Variants in CLK3 observed in about 807,000 individuals in gnomAD.
The protein encoded by CLK3 is CDC like kinase 3.
CLK3 carries 24 observed loss-of-function variants against 65.2 expected under a neutral mutation model. The ratio of observed to expected loss-of-function variants is 0.37; its 90% confidence interval spans 0.27 to 0.52. The LOEUF is 0.52. CLK3 is among the 20% of genes least tolerant of loss of function. CLK3 has a pLI of 0.92. For missense variants in CLK3, 506 were observed against 660.0 expected (o/e 0.77, Z 2.56); for synonymous variants, 252 against 240.8 (o/e 1.05, Z -0.43).
rs896155561 is a variant in CLK3, at chr15:74,620,364, G to A, written c.369+139G>A. 7.5e-6 allele frequency: 9 copies of A among 1,204,936 alleles called. No homozygotes were observed. In the African/African-American group the frequency reaches 7.5e-5, roughly 10 times the overall value. The allele number at this position is 1,204,936 out of a possible 1,614,324, so 74.6% of individuals were successfully genotyped here. On this transcript the variant is annotated intron_variant, in intron 3 of 12. Coordinates refer to ENST00000395066, the MANE Select transcript of CLK3 (RefSeq NM_001130028.2). ...TGTGCGTGCATGTGTGTGTGTATGT[G>A]TTGTCTGGTCCAGGTGTAGGGCTGA...
At chr15:74,616,291 A>C (rs1315333059) in intron 1 of CLK3, among the ~76,000 whole-genome samples, 1 of 152,086 alleles carries the variant, frequency 6.6e-6, no homozygotes, top group African/African-American at 2.4e-5. Flanking sequence ...CTGGAGTTTG[A>C]TTCTGGCCCA....
chr15:74,626,087 A>G (rs780030273), intron 7 of CLK3, 119 bp downstream of exon 7: 2 of 1,146,060 alleles, frequency 1.7e-6, no homozygotes, highest in Non-Finnish European at 2.5e-6. Context: ...GGCCTGAGGG[A>G]CACCAGATCC....
rs764247860 is a variant in CLK3 at position 74,622,022 on chromosome 15, C to T, written c.370-98C>T. The T allele has an allele frequency of 2.7e-6, 3 of 1,126,394 alleles. No homozygotes were observed. Among genetic ancestry groups the T allele is most frequent in the African/African-American group, 1.5e-5 (1 of 65,808 alleles). The allele number at this position is 1,126,394 out of a possible 1,614,324, so 69.8% of individuals were successfully genotyped here. A position where few individuals can be genotyped will look rare whatever the true frequency, so the allele number is the denominator to read the frequency against. ...ACCAACCAACCCACCGGCTCCTCAC[C>T]GTCTCCACCTCTGCCTTTGACTGAC... On this transcript the variant is annotated intron_variant, in intron 3 of 12. Coordinates refer to ENST00000395066, the MANE Select transcript of CLK3 (RefSeq NM_001130028.2). This position sits in a 1 kb window ranked among gnomAD's most constrained non-coding sequence, Gnocchi z 4.6.
chr15:74,627,777 T>A lies in CLK3; in HGVS notation c.1042+109T>A. On this transcript the variant is annotated intron_variant, in intron 9 of 12. Transcript: ENST00000395066. This position sits in a 1 kb window ranked among gnomAD's most constrained non-coding sequence, Gnocchi z 4.3. ...TCTCTGCCACCCAGGGCAGGCAGAGTTTCTCAGACCAAGGGGCCAGTGTCA... is the reference window on the plus strand; with the variant it reads ...TCTCTGCCACCCAGGGCAGGCAGAGATTCTCAGACCAAGGGGCCAGTGTCA... The A allele has an allele frequency of 1.3e-6, 2 of 1,501,228 alleles. No individual in the cohort carries two copies. The highest frequency in any genetic ancestry group is 9.2e-7 in the Non-Finnish European group (1 of 1,089,466). The allele number at this position is 1,501,228 out of a possible 1,614,324, so 93.0% of individuals were successfully genotyped here.
chr15:74,623,910 C>T (rs908130820), intron 5 of CLK3: 14 of 152,228 alleles, frequency 9.2e-5, no homozygotes, highest in African/African-American at 3.4e-4. Flanking sequence ...GTGCTGAGGA[C>T]TGGAATGCCA....
chr15:74,627,904 C>G lies in CLK3; in HGVS notation c.1043-66C>G. ...GTCCTGCCAGCCGGTGTGGTGGCTG[C>G]CTTGTGACTTCCAGGCTGGAAGCAT... On this transcript the variant is annotated intron_variant, in intron 9 of 12. Transcript: ENST00000395066. The surrounding 1 kb of genome is among the most constrained non-coding windows in gnomAD (Gnocchi z 4.3). 3 of 1,339,246 alleles carry G rather than the reference C, an allele frequency of 2.2e-6. No individual in the cohort carries two copies. Among genetic ancestry groups the G allele is most frequent in the Non-Finnish European group, 3.2e-6 (3 of 931,330 alleles). The allele number at this position is 1,339,246 out of a possible 1,614,324, so 83.0% of individuals were successfully genotyped here.
At position 74,628,664 on chromosome 15, in the gene CLK3, C is replaced by T. The variant is rs773070479; in HGVS notation, c.1186C>T (p.His396Tyr). ...MEKILGPIPS[H>Y]MIHRTRKQKY... ...GAAGATCCTAGGGCCCATCCCATCACACATGATCCACCGTACCAGGTAAGG... is the reference window on the plus strand; with the variant it reads ...GAAGATCCTAGGGCCCATCCCATCATACATGATCCACCGTACCAGGTAAGG... The change falls in exon 11 of 13, where the codon CAC (histidine) becomes TAC (tyrosine). Residue 396 changes from histidine (H) to tyrosine (Y), a missense_variant. By Grantham distance (83) the His-to-Tyr change is moderately conservative. Coordinates refer to ENST00000395066, the MANE Select transcript of CLK3 (RefSeq NM_001130028.2). The T allele has an allele frequency of 6.2e-7, 1 of 1,613,236 alleles. No individual in the cohort carries two copies. Among genetic ancestry groups the T allele is most frequent in the South Asian group, 1.1e-5 (1 of 91,022 alleles).
intron 10 of CLK3, among the ~76,000 whole-genome samples, 164 bp downstream of exon 10, chr15:74,628,216 G>C (rs1251017828): frequency 6.6e-6 from 1 of 152,212 alleles, no homozygotes; most frequent in African/African-American, 2.4e-5. Context: ...ATGCTAAAGG[G>C]AAGGCAGAGG....
rs1428592267 is a variant in CLK3, at chr15:74,624,730, G to T, written c.534-172G>T. ...CAGATCTCAGGGAGCTTGCTGTTGGGTGGGCAAAGGTCTGGTGTTGCATGG... is the reference window on the plus strand; with the variant it reads ...CAGATCTCAGGGAGCTTGCTGTTGGTTGGGCAAAGGTCTGGTGTTGCATGG... On this transcript the variant is annotated intron_variant, in intron 5 of 12. Coordinates refer to ENST00000395066, the MANE Select transcript of CLK3 (RefSeq NM_001130028.2). The surrounding 1 kb of genome is among the most constrained non-coding windows in gnomAD (Gnocchi z 4.2). The T allele has an allele frequency of 8.2e-6, 5 of 610,766 alleles. No homozygotes were observed. Among genetic ancestry groups the T allele is most frequent in the African/African-American group, 1.9e-5 (1 of 53,974 alleles). The allele number at this position is 610,766 out of a possible 1,614,324, so 37.8% of individuals were successfully genotyped here.
intron 7 of CLK3, 37 bp downstream of exon 7, chr15:74,626,005 C>T: frequency 1.2e-6 from 2 of 1,607,554 alleles, no homozygotes; most frequent in Non-Finnish European, 1.7e-6. Context: ...TGGGCAGCCA[C>T]ATGCCTGCAG....
intron 1 of CLK3, among the ~76,000 whole-genome samples, chr15:74,617,261 A>C (rs1953308728): frequency 6.6e-6 from 1 of 152,212 alleles, no homozygotes; most frequent in South Asian, 2.1e-4. Context: ...GATTTAGTTT[A>C]GTTTTCTGCC....
In CLK3 at chr15:74,624,601, G is replaced by T. The variant is rs762605549; in HGVS notation, c.534-301G>T. 2.3e-6 allele frequency: 1 copy of T among 442,436 alleles called. No individual in the cohort carries two copies. Among genetic ancestry groups the T allele is most frequent in the Admixed American group, 3.5e-5 (1 of 28,970 alleles). The allele number at this position is 442,436 out of a possible 1,614,324, so 27.4% of individuals were successfully genotyped here. A position where few individuals can be genotyped will look rare whatever the true frequency, so the allele number is the denominator to read the frequency against. On this transcript the variant is annotated intron_variant, in intron 5 of 12. Coordinates refer to ENST00000395066, the MANE Select transcript of CLK3 (RefSeq NM_001130028.2). This position sits in a 1 kb window ranked among gnomAD's most constrained non-coding sequence, Gnocchi z 4.2. ...TGTGTGAGCTCTTGGACTGGCACTG[G>T]TTAAGCAGGATTGGCCTCTACTCTC...
chr15:74,619,867 C>G (rs2062087370), intron 2 of CLK3, 142 bp from the exon 3 acceptor site: 1 of 1,392,884 alleles, frequency 7.2e-7, no homozygotes, highest in Admixed American at 2.3e-5. Context: ...GCACCCTCCC[C>G]TCTCTGCCCA....
chr15:74,626,813 T>C (rs1489505822), intron 7 of CLK3, among the ~76,000 whole-genome samples: 1 of 152,118 alleles, frequency 6.6e-6, no homozygotes, highest in Non-Finnish European at 1.5e-5. Context: ...CAGAAGGGGC[T>C]GGAGGGGAAA....
At chr15:74,625,072 C>T (rs79618637) in intron 6 of CLK3, 54 bp downstream of exon 6, 7 of 1,353,550 alleles carry the variant, frequency 5.2e-6, no homozygotes, top group Non-Finnish European at 7.4e-6. Context: ...GCTGGACCCC[C>T]AGGGGCTTAG....
chr15:74,625,787 ATCC>A lies in CLK3; in HGVS notation c.651-5_651-3del, dbSNP rs35200328. On this transcript the variant is annotated splice_polypyrimidine_tract_variant and intron_variant, in intron 6 of 12. Coordinates refer to ENST00000395066, the MANE Select transcript of CLK3 (RefSeq NM_001130028.2). ...CCAGCACACAGCCTGAGCCCTGCCC[ATCC>A]TCCTCCTCCAGCCTGTGTGTCTTGA... is the stretch of plus-strand genomic sequence containing the variant. The A allele has an allele frequency of 0.026, 42,391 of 1,613,878 alleles. 831 individuals carry two copies. The highest frequency in any genetic ancestry group is 0.09 in the African/African-American group (6,781 of 74,972).
intron 7 of CLK3, among the ~76,000 whole-genome samples, chr15:74,626,471 G>A (rs957354826): frequency 3.9e-5 from 6 of 152,260 alleles, no homozygotes; most frequent in South Asian, 2.1e-4. Context: ...GTTGGTAGGC[G>A]TTGAGCTAGA....
chr15:74,626,861 T>TCA (rs2062146736), intron 7 of CLK3: 1 of 394,386 alleles, frequency 2.5e-6, no homozygotes, highest in Non-Finnish European at 5.1e-6. Context: ...GAGGCGGGGC[T>TCA]GTCTTCCTGG....
chr15:74,616,631 G>A (rs1283044965), intron 1 of CLK3, among the ~76,000 whole-genome samples: 4 of 152,244 alleles, frequency 2.6e-5, no homozygotes, highest in South Asian at 2.1e-4. Context: ...CGGCCTTCCA[G>A]CTTCCCTTCT....
Sources: gnomAD v4.1 joint callset for allele counts (sites outside exome capture counted in the v4.1 genomes callset) on GRCh38, gnomAD v4.1.1 for gene constraint, Gnocchi (gnomAD v3.1) non-coding constraint, MANE v1.5 for transcripts, NCBI Gene and HGNC (gene_info 2026-07-23, HGNC 2026-07-21) for gene names.